The following CDH13 variants were observed in gnomAD, a reference collection of about 807,000 sequenced individuals.
CDH13 encodes cadherin 13, also known as cadherin-13.
Under a neutral mutation model 63.8 loss-of-function variants are expected in CDH13, and 24 were observed. The ratio of observed to expected loss-of-function variants is 0.38; its 90% CI spans 0.27 to 0.53. The LOEUF (loss-of-function observed/expected upper bound fraction) is 0.53, where lower values mean the gene tolerates loss of function less well. Among genes scored for constraint, CDH13 ranks in the 20% least tolerant of loss-of-function variants. The pLI, the probability that CDH13 is intolerant of heterozygous loss-of-function variation, is 0.85. For synonymous variants in CDH13, 503 were observed against 355.3 expected, an observed-to-expected ratio of 1.42 and a Z score of -4.67; for missense variants, 1,049 against 903.1, an observed-to-expected ratio of 1.16 and a Z score of -2.07.
At chr16:83,654,021 A>G (rs1912640373) in intron 8 of CDH13, among the ~76,000 whole-genome samples, 1 of 152,134 alleles carries the variant, frequency 6.6e-6, no homozygotes, top group South Asian at 2.1e-4. Context: ...ACAGGGAATG[A>G]ACAAATGGGT....
rs1211984686 is a variant in CDH13 at position 82,746,905 on chromosome 16, ATGT to A, written c.46-111453_46-111451del. Among the ~76,000 whole-genome samples the A allele has an allele frequency of 2.6e-5, 4 of 152,288 alleles. No homozygotes were observed. In the East Asian group the frequency reaches 7.7e-4, roughly 29 times the overall value. The stretch of plus-strand genomic sequence containing the variant: ...TATTAAAACAATTGTTAAGGACCTG[ATGT>A]TGTGATTAGAGCAGCCCTGTTTCTT... On this transcript the variant is annotated intron_variant, in intron 1 of 13. Transcript: ENST00000567109.
intron 7 of CDH13, among the ~76,000 whole-genome samples, chr16:83,489,311 C>T (rs2073958992): frequency 6.6e-6 from 1 of 152,098 alleles, no homozygotes; most frequent in Non-Finnish European, 1.5e-5. Context: ...TTGAATTAAG[C>T]ATTTCTAGTC....
At chr16:83,502,495 A>G (rs1053652525) in intron 7 of CDH13, among the ~76,000 whole-genome samples, 1 of 152,172 alleles carries the variant, frequency 6.6e-6, no homozygotes, top group Non-Finnish European at 1.5e-5. Context: ...CTGAAGTGTA[A>G]GAGAATAAAG....
rs534446725 is a variant in CDH13, at chr16:83,301,180, C to T, written c.637-43682C>T. Among the ~76,000 whole-genome samples the T allele has an allele frequency of 2.8e-3, 417 of 151,620 alleles. 2 individuals are homozygous for T. Among genetic ancestry groups the T allele is most frequent in the Non-Finnish European group, 4.7e-3 (321 of 67,860 alleles). ...CCAAGTAGCTGGGACTACAGGCGCC[C>T]ACCACCACGCCCGGCTAATTTTTTG... is the stretch of plus-strand genomic sequence containing the variant. On this transcript the variant is annotated intron_variant, in intron 5 of 13. Transcript: ENST00000567109.
At chr16:83,059,633 G>C (rs1269537148) in intron 3 of CDH13, among the ~76,000 whole-genome samples, 1 of 152,080 alleles carries the variant, frequency 6.6e-6, no homozygotes, top group Non-Finnish European at 1.5e-5. Context: ...TGCATGACAA[G>C]TCAGTCAGGA....
At chr16:83,696,073 T>C (rs1373144918) in intron 10 of CDH13, among the ~76,000 whole-genome samples, 2 of 151,944 alleles carry the variant, frequency 1.3e-5, no homozygotes, top group Non-Finnish European at 2.9e-5. Flanking sequence ...TATTTGTTTG[T>C]AGAGATGGGG....
intron 10 of CDH13, among the ~76,000 whole-genome samples, chr16:83,733,227 C>G (rs1911208967): frequency 6.6e-6 from 1 of 152,190 alleles, no homozygotes; most frequent in African/African-American, 2.4e-5. Context: ...CCCTCCAGCT[C>G]CTTCACAGAA....
At chr16:82,937,734 G>A (rs920942249) in intron 2 of CDH13, among the ~76,000 whole-genome samples, 21 of 152,128 alleles carry the variant, frequency 1.4e-4, no homozygotes, top group African/African-American at 3.9e-4. Context: ...CATGAATCAA[G>A]CGTCCATAAT....
intron 1 of CDH13, among the ~76,000 whole-genome samples, chr16:82,665,249 C>G (rs142454289): frequency 2.6e-5 from 4 of 152,234 alleles, no homozygotes; most frequent in East Asian, 3.9e-4. Flanking sequence ...AGAGTGCTCT[C>G]TAGTGTCTCT....
At chr16:83,525,763 AAT>A (rs1411020785) in intron 7 of CDH13, among the ~76,000 whole-genome samples, 1 of 152,246 alleles carries the variant, frequency 6.6e-6, no homozygotes, top group African/African-American at 2.4e-5. Context: ...ACTCTAATCC[AAT>A]GAGTCCTTAA....
rs564532935 is a variant in CDH13 at position 83,594,409 on chromosome 16, G to A, written c.961-8045G>A. Among the ~76,000 whole-genome samples the A allele has an allele frequency of 3.3e-5, 5 of 151,938 alleles. No individual in the cohort carries two copies. The East Asian group carries it at 9.7e-4, about 29-fold the overall frequency. ...CTCAGCTACTAAGTCATGGAGCCAGGGTGATAATAATTGATCACATATTGA... is the reference window on the plus strand; with the variant it reads ...CTCAGCTACTAAGTCATGGAGCCAGAGTGATAATAATTGATCACATATTGA... On this transcript the variant is annotated intron_variant, in intron 7 of 13. Transcript: ENST00000567109.
At chr16:83,765,353 A>T (rs1914298987) in intron 11 of CDH13, among the ~76,000 whole-genome samples, 1 of 152,110 alleles carries the variant, frequency 6.6e-6, no homozygotes, top group Non-Finnish European at 1.5e-5. Flanking sequence ...AAAACCAAAA[A>T]GTTGAATTTT....
intron 1 of CDH13, among the ~76,000 whole-genome samples, chr16:82,678,653 G>A (rs1246691815): frequency 1.3e-5 from 2 of 152,072 alleles, no homozygotes; most frequent in Non-Finnish European, 2.9e-5. Flanking sequence ...TGAAGCTAAG[G>A]GTATATACCT....
intron 10 of CDH13, among the ~76,000 whole-genome samples, chr16:83,741,278 C>T (rs1479418514): frequency 1.3e-5 from 2 of 152,118 alleles, no homozygotes; most frequent in African/African-American, 2.4e-5. Flanking sequence ...TCTGGTTCTG[C>T]TTTTAATAAT....
chr16:83,593,718 G>T (rs888667598), intron 7 of CDH13, among the ~76,000 whole-genome samples: 3 of 152,024 alleles, frequency 2.0e-5, no homozygotes, highest in Admixed American at 6.6e-5. Flanking sequence ...ATGACTAATT[G>T]TTACATAGCT....
At chr16:83,658,712 G>T (rs1913131641) in intron 8 of CDH13, among the ~76,000 whole-genome samples, 1 of 144,434 alleles carries the variant, frequency 6.9e-6, no homozygotes, top group Non-Finnish European at 1.5e-5. Context: ...ATCCTCACCA[G>T]CAAGGTCTCA....
intron 6 of CDH13, among the ~76,000 whole-genome samples, chr16:83,353,306 C>A (rs1442628105): frequency 1.3e-5 from 2 of 152,252 alleles, no homozygotes; most frequent in African/African-American, 4.8e-5. Context: ...CGGCTCAGAA[C>A]CAAGACAGTC....
At chr16:83,519,899 A>G (rs2074789843) in intron 7 of CDH13, among the ~76,000 whole-genome samples, 1 of 152,136 alleles carries the variant, frequency 6.6e-6, no homozygotes, top group African/African-American at 2.4e-5. Flanking sequence ...ATGATCAGAA[A>G]GGAGATGTGA....
At chr16:83,260,325 T>G (rs916808420) in intron 5 of CDH13, among the ~76,000 whole-genome samples, 8 of 152,204 alleles carry the variant, frequency 5.3e-5, no homozygotes, top group Admixed American at 1.3e-4. Context: ...TAAGAACATA[T>G]TTCTGCAAAA....
Sources: gnomAD v4.1 joint callset for allele counts (sites outside exome capture counted in the v4.1 genomes callset) on GRCh38, gnomAD v4.1.1 for gene constraint, MANE v1.5 for transcripts, NCBI Gene and HGNC (gene_info 2026-07-23, HGNC 2026-07-21) for gene names.